CTNND2: variants seen among roughly 807,000 people sequenced by gnomAD.
CTNND2 encodes catenin delta-2.
A neutral mutation model predicts 144.4 loss-of-function variants in CTNND2; 22 were observed. That is an observed-to-expected ratio of 0.15 (90% confidence interval 0.11 to 0.22). CTNND2 has a LOEUF of 0.22. Ranked by LOEUF, CTNND2 falls within the 10% of genes least tolerant of loss-of-function variation. The pLI is 1.00. For missense variants in CTNND2, 1,353 were observed against 1,618.8 expected, an observed-to-expected ratio of 0.84 and a Z score of 2.82; for synonymous variants, 751 against 695.6, an observed-to-expected ratio of 1.08 and a Z score of -1.25.
At chr5:11,229,642 T>C (rs1188338038) in intron 10 of CTNND2, among the ~76,000 whole-genome samples, 1 of 141,782 alleles carries the variant, frequency 7.1e-6, no homozygotes, top group African/African-American at 2.7e-5. Flanking sequence ...TGCAGCCATA[T>C]TGCGTGTGTG....
chr5:11,729,843 C>T (rs1033153760), intron 2 of CTNND2, among the ~76,000 whole-genome samples: 2 of 152,242 alleles, frequency 1.3e-5, no homozygotes, highest in Middle Eastern at 3.4e-3. Context: ...TCTTACCTAG[C>T]ATACAATATA....
intron 8 of CTNND2, among the ~76,000 whole-genome samples, chr5:11,356,145 C>A (rs1483859141): frequency 2.0e-5 from 3 of 152,016 alleles, no homozygotes; most frequent in Non-Finnish European, 4.4e-5. Context: ...AGATTTACTA[C>A]AATCCCTACC....
chr5:11,032,819 A>G (rs1292345888), intron 16 of CTNND2, among the ~76,000 whole-genome samples: 1 of 152,238 alleles, frequency 6.6e-6, no homozygotes, highest in African/African-American at 2.4e-5. Flanking sequence ...AATTATAGAG[A>G]TGGAGAACAA....
intron 10 of CTNND2, among the ~76,000 whole-genome samples, chr5:11,206,971 G>A (rs551393162): frequency 6.6e-6 from 1 of 152,264 alleles, no homozygotes; most frequent in Admixed American, 6.5e-5. Context: ...GCAGATATAT[G>A]CTCTACTTCA....
At chr5:11,440,007 G>C (rs1051106054) in intron 3 of CTNND2, among the ~76,000 whole-genome samples, 2 of 151,908 alleles carry the variant, frequency 1.3e-5, no homozygotes, top group Admixed American at 6.6e-5. Context: ...AGATGACAAA[G>C]GAGGGGAATT....
chr5:11,854,179 C>T (rs1297901488), intron 1 of CTNND2, among the ~76,000 whole-genome samples: 1 of 152,200 alleles, frequency 6.6e-6, no homozygotes, highest in South Asian at 2.1e-4. Flanking sequence ...TGGGCCTGGA[C>T]CCGTCTTTTC....
intron 11 of CTNND2, among the ~76,000 whole-genome samples, chr5:11,160,077 T>TTCTAACCTAA (rs1560946705): frequency 3.9e-5 from 6 of 152,182 alleles, no homozygotes; most frequent in African/African-American, 1.4e-4. Context: ...TGGACCCAAA[T>TTCTAACCTAA]TGCTAAATTC....
intron 2 of CTNND2, among the ~76,000 whole-genome samples, chr5:11,648,368 G>A (rs1285681749): frequency 1.3e-5 from 2 of 151,994 alleles, no homozygotes; most frequent in African/African-American, 2.4e-5. Context: ...TGGTGATGCA[G>A]ACATTTTCCT....
intron 9 of CTNND2, among the ~76,000 whole-genome samples, chr5:11,278,617 G>A (rs1746801076): frequency 6.6e-6 from 1 of 152,202 alleles, no homozygotes; most frequent in Non-Finnish European, 1.5e-5. Context: ...AGAGGAGACA[G>A]GGGGAGGGGA....
At chr5:11,134,052 T>C (rs1242957413) in intron 12 of CTNND2, among the ~76,000 whole-genome samples, 1 of 152,110 alleles carries the variant, frequency 6.6e-6, no homozygotes, top group Non-Finnish European at 1.5e-5. Context: ...ATTATCCTGC[T>C]GGGCTCAGTG....
intron 11 of CTNND2, among the ~76,000 whole-genome samples, chr5:11,173,683 A>C (rs1760174979): frequency 6.6e-6 from 1 of 152,234 alleles, no homozygotes; most frequent in Non-Finnish European, 1.5e-5. Flanking sequence ...ATTAAATAAC[A>C]AAGTACAAGA....
intron 16 of CTNND2, among the ~76,000 whole-genome samples, chr5:11,041,581 A>G (rs1216081481): frequency 6.6e-6 from 1 of 152,150 alleles, no homozygotes; most frequent in Non-Finnish European, 1.5e-5. Flanking sequence ...CAGTCATTCC[A>G]AAAACATTCA....
chr5:11,550,658 G>GTTACTGTCAACTAA (rs1561544494), intron 3 of CTNND2, among the ~76,000 whole-genome samples: 1 of 152,196 alleles, frequency 6.6e-6, no homozygotes, highest in East Asian at 1.9e-4. Context: ...TGAATACAGC[G>GTTACTGTCAACTAA]TTACTGTCAA....
At chr5:11,258,166 A>G (rs961890889) in intron 9 of CTNND2, among the ~76,000 whole-genome samples, 1 of 152,152 alleles carries the variant, frequency 6.6e-6, no homozygotes, top group Non-Finnish European at 1.5e-5. Context: ...CCAATCCCAG[A>G]TATCAGAGTA....
chr5:11,798,825 G>GA (rs941673877), intron 1 of CTNND2, among the ~76,000 whole-genome samples: 4 of 151,594 alleles, frequency 2.6e-5, no homozygotes, highest in African/African-American at 4.8e-5. Context: ...AGTATTTCAG[G>GA]AAAAAAAAGT....
At chr5:11,105,193 T>C (rs2149676486) in intron 14 of CTNND2, among the ~76,000 whole-genome samples, 1 of 152,362 alleles carries the variant, frequency 6.6e-6, no homozygotes, top group East Asian at 1.9e-4. Flanking sequence ...TAGGGAAACC[T>C]GGGACATGGC....
At chr5:11,060,657 G>C (rs1462555076) in intron 16 of CTNND2, among the ~76,000 whole-genome samples, 2 of 152,132 alleles carry the variant, frequency 1.3e-5, no homozygotes, top group African/African-American at 2.4e-5. Flanking sequence ...ATCTGTTTAA[G>C]TTTTGTTCTT....
rs1245910890 is a variant in CTNND2, at chr5:11,397,223, G to C, written c.440-20C>G. 2 of 1,610,400 alleles carry C rather than the reference G, an allele frequency of 1.2e-6. No homozygotes were observed. The highest frequency in any genetic ancestry group is 2.7e-5 in the African/African-American group (2 of 74,898). ...TGGGCCCTGCATTGAAAGTCATTTAGAGCAGTCAGTGACAGTCTCAGTGAA... is the reference window on the plus strand; with the variant it reads ...TGGGCCCTGCATTGAAAGTCATTTACAGCAGTCAGTGACAGTCTCAGTGAA... On this transcript the variant is annotated intron_variant, in intron 5 of 21. Transcript: ENST00000304623.
intron 3 of CTNND2, among the ~76,000 whole-genome samples, chr5:11,481,115 C>G (rs1047118654): frequency 1.3e-5 from 2 of 152,150 alleles, no homozygotes; most frequent in Non-Finnish European, 2.9e-5. Context: ...AACCCATTGG[C>G]AGGGGACTCA....
Sources: allele counts gnomAD v4.1 joint callset (sites outside exome capture counted in the v4.1 genomes callset), GRCh38; gene constraint gnomAD v4.1.1; transcripts MANE v1.5; gene names NCBI Gene and HGNC (gene_info 2026-07-23, HGNC 2026-07-21).